Variants in TG observed in about 807,000 individuals in gnomAD.
TG encodes the protein thyroid hormones.
A neutral mutation model predicts 324.7 loss-of-function variants in TG; 270 were observed. The observed-to-expected ratio is 0.83, with a 90% CI of 0.75 to 0.92. TG has a LOEUF of 0.92. Among genes scored for constraint, TG ranks in the 40% least tolerant of loss-of-function variants. TG has a pLI of 0.00. For missense variants in TG, 3,591 were observed against 3,456.4 expected (o/e 1.04, Z -0.98); for synonymous variants, 1,401 against 1,327.0 (o/e 1.06, Z -1.21).
rs1210495484 is a variant in TG, at chr8:133,002,417, C to G, written c.6263-9484C>G. ...CTTTCTAAGCGATTAATTTGTTGCTCAATAAGCCGCCTCACATCTTTCAGC... is the reference window on the plus strand; with the variant it reads ...CTTTCTAAGCGATTAATTTGTTGCTGAATAAGCCGCCTCACATCTTTCAGC... On this transcript the variant is annotated intron_variant, in intron 35 of 47. Transcript: ENST00000220616. The G allele has an allele frequency of 3.0e-6, 3 of 985,194 alleles. No individual in the cohort carries two copies. The African/African-American group carries it at 5.2e-5, about 17-fold the overall frequency. 61.0% of individuals were successfully genotyped at this position (985,194 alleles called of 1,614,324 possible). A position where few individuals can be genotyped will look rare whatever the true frequency, so the allele number is the denominator to read the frequency against.
intron 40 of TG, among the ~76,000 whole-genome samples, chr8:133,026,726 T>C (rs1282061820): frequency 6.6e-6 from 1 of 152,128 alleles, no homozygotes; most frequent in Non-Finnish European, 1.5e-5. Flanking sequence ...TCTGGGACAC[T>C]CGGAGGCCTA....
At chr8:133,079,997 C>A (rs1222338271) in intron 41 of TG, among the ~76,000 whole-genome samples, 1 of 151,846 alleles carries the variant, frequency 6.6e-6, no homozygotes, top group African/African-American at 2.4e-5. Flanking sequence ...TTTTTTGAAC[C>A]CCTTCAATGT....
At chr8:133,040,236 G>T in intron 41 of TG, 2 of 1,256,592 alleles carry the variant, frequency 1.6e-6, no homozygotes, top group Non-Finnish European at 2.2e-6. Context: ...CTGCTGCCAT[G>T]GGGAACTGGG....
chr8:132,918,611 C>A (rs1820709230), intron 20 of TG, among the ~76,000 whole-genome samples: 1 of 152,118 alleles, frequency 6.6e-6, no homozygotes, highest in Admixed American at 6.5e-5. Flanking sequence ...GACTTCTCTG[C>A]CAGAGGGAGG....
intron 41 of TG, among the ~76,000 whole-genome samples, chr8:133,092,064 C>T (rs769770354): frequency 1.3e-5 from 2 of 152,156 alleles, no homozygotes; most frequent in Admixed American, 6.5e-5. Flanking sequence ...AGCAAGTCTC[C>T]TGTGTTGTGT....
chr8:132,989,369 C>T (rs538319912), intron 35 of TG, among the ~76,000 whole-genome samples: 6 of 152,340 alleles, frequency 3.9e-5, no homozygotes, highest in African/African-American at 9.6e-5. Flanking sequence ...CACATGAATA[C>T]TTCAACATAC....
chr8:133,003,044 G>C, intron 35 of TG: 2 of 1,064,418 alleles, frequency 1.9e-6, no homozygotes, highest in Non-Finnish European at 2.3e-6. Flanking sequence ...AACATACCAG[G>C]TACCTCTCCT....
At chr8:132,884,548 C>T (rs1273677153) in intron 8 of TG, among the ~76,000 whole-genome samples, 1 of 152,186 alleles carries the variant, frequency 6.6e-6, no homozygotes, top group Non-Finnish European at 1.5e-5. Flanking sequence ...GAATATTCTT[C>T]ATGGTATGTG....
At position 132,904,413 on chromosome 8, in the gene TG, T is replaced by C. The variant is rs145315994; in HGVS notation, c.3635-2275T>C. Among the ~76,000 whole-genome samples, 257 of 152,328 alleles carry C rather than the reference T, an allele frequency of 1.7e-3. 2 individuals carry two copies. The highest frequency in any genetic ancestry group is 5.7e-3 in the African/African-American group (238 of 41,570). On this transcript the variant is annotated intron_variant, in intron 16 of 47. Coordinates refer to ENST00000220616, the MANE Select transcript of TG (RefSeq NM_003235.5). ...TCCCCGTGGTATAATTTTGGAAGGATTTCATGAAATTAAAGATGTAAAGTG... is the reference window on the plus strand; with the variant it reads ...TCCCCGTGGTATAATTTTGGAAGGACTTCATGAAATTAAAGATGTAAAGTG...
chr8:133,019,089 G>A (rs1000887417), intron 38 of TG, among the ~76,000 whole-genome samples: 1 of 152,228 alleles, frequency 6.6e-6, no homozygotes. Flanking sequence ...GTAGTCCAGG[G>A]CTAGTAAGGA....
intron 19 of TG, 35 bp downstream of exon 19, chr8:132,911,568 A>C (rs906969152): frequency 6.4e-7 from 1 of 1,567,836 alleles, no homozygotes; most frequent in Non-Finnish European, 8.8e-7. Flanking sequence ...AGAATAAGCT[A>C]TGCAGCCTCT....
chr8:133,036,545 T>G (rs1202703627), intron 41 of TG, among the ~76,000 whole-genome samples: 1 of 152,004 alleles, frequency 6.6e-6, no homozygotes, highest in African/African-American at 2.4e-5. Flanking sequence ...CCCCCCAGAG[T>G]CATACAATCT....
Position 133,015,255 on chromosome 8 carries a change from GC to G in TG, c.6562+1492del, listed in dbSNP as rs1344746422. ...AGTTCTGTAAAACACAAATTAGACT[GC>G]TTCTCTATTACTTCAGTGTGACTAA... On this transcript the variant is annotated intron_variant, in intron 37 of 47. Transcript: ENST00000220616. Among the ~76,000 whole-genome samples the G allele has an allele frequency of 3.9e-5, 6 of 152,162 alleles. No homozygotes were observed. In the South Asian group the frequency reaches 1.2e-3, roughly 32 times the overall value.
At chr8:132,970,886 A>G (rs567094362) in intron 32 of TG, among the ~76,000 whole-genome samples, 1 of 152,288 alleles carries the variant, frequency 6.6e-6, no homozygotes, top group African/African-American at 2.4e-5. Flanking sequence ...AAAAGCAGAG[A>G]GGTGACTTGC....
At chr8:132,868,069 A>C in intron 1 of TG, 46 bp from the exon 2 acceptor site, 1 of 1,552,172 alleles carries the variant, frequency 6.4e-7, no homozygotes, top group Non-Finnish European at 8.9e-7. Context: ...CTGTCCTGGC[A>C]GCCCAGTCCA....
chr8:133,012,103 C>T (rs1445188244), intron 36 of TG, 68 bp downstream of exon 36: 8 of 1,605,686 alleles, frequency 5.0e-6, no homozygotes, highest in Non-Finnish European at 6.8e-6. Context: ...TCAAGATTCT[C>T]AACTTAGAAA....
At chr8:132,893,637 G>A in intron 10 of TG, 53 bp from the exon 11 acceptor site, 1 of 1,612,256 alleles carries the variant, frequency 6.2e-7, no homozygotes, top group East Asian at 2.2e-5. Flanking sequence ...ATGGGAGTCA[G>A]AGGGAAGTCC....
chr8:132,872,407 G>C (rs1033425896), intron 4 of TG, among the ~76,000 whole-genome samples: 2 of 149,954 alleles, frequency 1.3e-5, no homozygotes, highest in African/African-American at 4.9e-5. Flanking sequence ...GAACCCGGGA[G>C]GTGGAGCTTG....
chr8:132,948,819 T>C lies in TG; in HGVS notation c.5277T>C (p.Leu1759=). The stretch of plus-strand genomic sequence containing the variant: ...TGCTGAGCTCACCCAGTGTCCTGCT[T>C]TGTAATGTCAAAGACTGGATGGATC... ...CGLLSSPSVL[L]CNVKDWMDPS... Residue 1759 remains leucine (L), a synonymous_variant, in exon 27 of 48, where the codon CTT becomes CTC. Coordinates refer to ENST00000220616, the MANE Select transcript of TG (RefSeq NM_003235.5). 6.2e-7 allele frequency: 1 copy of C among 1,614,058 alleles called. No homozygotes were observed. The highest frequency in any genetic ancestry group is 8.5e-7 in the Non-Finnish European group (1 of 1,180,026).
Sources: allele counts gnomAD v4.1 joint callset (sites outside exome capture counted in the v4.1 genomes callset), GRCh38; gene constraint gnomAD v4.1.1; transcripts MANE v1.5; gene names NCBI Gene and HGNC (gene_info 2026-07-23, HGNC 2026-07-21).